The following COLEC10 variants were observed in gnomAD, a reference collection of about 807,000 sequenced individuals.
The protein encoded by COLEC10 is collectin subfamily member 10.
A neutral mutation model predicts 28.4 loss-of-function variants in COLEC10; 22 were observed. The observed-to-expected ratio is 0.78, with a 90% confidence interval of 0.55 to 1.11. The LOEUF (loss-of-function observed/expected upper bound fraction) is 1.11, where lower values mean the gene tolerates loss of function less well. Ranked by LOEUF, COLEC10 falls within the 50% of genes least tolerant of loss-of-function variation. The pLI, the probability that COLEC10 is intolerant of heterozygous loss-of-function variation, is 0.00. For synonymous variants in COLEC10, 125 were observed against 116.1 expected (o/e 1.08, Z -0.49); for missense variants, 361 against 344.1 (o/e 1.05, Z -0.39).
At chr8:118,962,717 T>C in the COLEC10 span, among the ~76,000 whole-genome samples, 3,501 of 152,340 alleles carry the variant, frequency 0.023, 125 homozygotes, top group African/African-American at 0.078. Flanking sequence ...TTCTAGAATT[T>C]ATTAATCTAG....
chr8:119,023,884 T>C (rs1359577050), intron 2 of COLEC10, among the ~76,000 whole-genome samples: 1 of 151,646 alleles, frequency 6.6e-6, no homozygotes, highest in Non-Finnish European at 1.5e-5. Flanking sequence ...GTTTTGGTTT[T>C]AGAAGGGTGC....
chr8:119,044,631 G>T (rs1814556285), intron 2 of COLEC10, among the ~76,000 whole-genome samples: 1 of 152,086 alleles, frequency 6.6e-6, no homozygotes, highest in African/African-American at 2.4e-5. Context: ...CGGGGGCATG[G>T]ATCGTTTCAG....
chr8:119,007,122 A>ATTTCC (rs1319205004), intron 1 of COLEC10, among the ~76,000 whole-genome samples: 1 of 152,080 alleles, frequency 6.6e-6, no homozygotes, highest in East Asian at 1.9e-4. Flanking sequence ...ATGACTTGGA[A>ATTTCC]AACAGTTCCC....
the COLEC10 span, among the ~76,000 whole-genome samples, chr8:118,970,404 A>C: frequency 6.6e-6 from 1 of 152,146 alleles, no homozygotes; most frequent in African/African-American, 2.4e-5. Context: ...TGACTTTGAC[A>C]GTCTCTGATA....
intron 2 of COLEC10, among the ~76,000 whole-genome samples, chr8:119,037,959 T>C (rs1814420297): frequency 6.6e-6 from 1 of 152,224 alleles, no homozygotes; most frequent in Non-Finnish European, 1.5e-5. Context: ...TCTTGCATCA[T>C]GCTATTCACA....
At chr8:119,094,965 A>G (rs1326693042) in intron 3 of COLEC10, among the ~76,000 whole-genome samples, 1 of 152,194 alleles carries the variant, frequency 6.6e-6, no homozygotes, top group Non-Finnish European at 1.5e-5. Context: ...CTCTATCAGC[A>G]ATTCTAATCA....
intron 3 of COLEC10, among the ~76,000 whole-genome samples, chr8:119,100,879 GA>G (rs1297995013): frequency 2.0e-5 from 3 of 152,134 alleles, no homozygotes; most frequent in Non-Finnish European, 2.9e-5. Context: ...GGGAGCACGT[GA>G]ATGACTGGCA....
At chr8:119,102,434 A>G (rs766628014) in intron 4 of COLEC10, 33 bp downstream of exon 4, 3 of 1,548,104 alleles carry the variant, frequency 1.9e-6, no homozygotes, top group Non-Finnish European at 2.6e-6. Flanking sequence ...TTTGATTTCT[A>G]GCATGATTCC....
chr8:118,955,549 A>G, the COLEC10 span, among the ~76,000 whole-genome samples: 1 of 152,200 alleles, frequency 6.6e-6, no homozygotes, highest in East Asian at 1.9e-4. Flanking sequence ...ATTGGCCTTA[A>G]TCACACAAAT....
chr8:118,973,711 A>G, the COLEC10 span, among the ~76,000 whole-genome samples: 1 of 152,012 alleles, frequency 6.6e-6, no homozygotes, highest in African/African-American at 2.4e-5. Context: ...CATGAGTAGC[A>G]AGAGACAGGA....
intron 3 of COLEC10, among the ~76,000 whole-genome samples, chr8:119,096,647 G>T (rs1815724575): frequency 6.6e-6 from 1 of 151,740 alleles, no homozygotes; most frequent in African/African-American, 2.4e-5. Context: ...ACTTCTCAGA[G>T]AACAAAAAAG....
chr8:118,960,773 G>A, the COLEC10 span, among the ~76,000 whole-genome samples: 1,802 of 124,396 alleles, frequency 0.014, 53 homozygotes, highest in African/African-American at 0.057. Context: ...GGGGAACAGA[G>A]TGAGACTCTG....
the COLEC10 span, among the ~76,000 whole-genome samples, chr8:118,989,507 C>G: frequency 2.4e-4 from 35 of 147,292 alleles, no homozygotes; most frequent in Non-Finnish European, 4.9e-4. Context: ...GAACACCAAG[C>G]AGGATTTAAA....
At chr8:118,973,833 C>T in the COLEC10 span, among the ~76,000 whole-genome samples, 2 of 151,926 alleles carry the variant, frequency 1.3e-5, no homozygotes, top group African/African-American at 4.8e-5. Flanking sequence ...CCAAACCTTC[C>T]AGCTATTACA....
chr8:119,016,732 G>C (rs1054464251), intron 2 of COLEC10, among the ~76,000 whole-genome samples: 1 of 151,946 alleles, frequency 6.6e-6, no homozygotes, highest in South Asian at 2.1e-4. Context: ...TTGTTTGTTT[G>C]TTTGAGACAG....
chr8:119,104,775 T>C (rs534120399), intron 5 of COLEC10, among the ~76,000 whole-genome samples: 1 of 152,334 alleles, frequency 6.6e-6, no homozygotes, highest in African/African-American at 2.4e-5. Context: ...GGTTGTAATC[T>C]GTACTGAAGA....
the COLEC10 span, among the ~76,000 whole-genome samples, chr8:118,977,748 A>ATAAT: frequency 7.0e-6 from 1 of 142,082 alleles, no homozygotes; most frequent in African/African-American, 2.8e-5. Context: ...AAGTATAATA[A>ATAAT]TAATAAATAA....
At chr8:119,058,330 C>T (rs1262090410) in intron 2 of COLEC10, among the ~76,000 whole-genome samples, 1 of 151,778 alleles carries the variant, frequency 6.6e-6, no homozygotes, top group Non-Finnish European at 1.5e-5. Flanking sequence ...TTTTAGTATG[C>T]TTATATAGTT....
chr8:118,989,264 A>G, the COLEC10 span, among the ~76,000 whole-genome samples: 2 of 152,212 alleles, frequency 1.3e-5, no homozygotes, highest in African/African-American at 4.8e-5. Context: ...GAACAGGATC[A>G]GTGAACTTGA....
Sources: allele counts gnomAD v4.1 joint callset (sites outside exome capture counted in the v4.1 genomes callset), GRCh38; gene constraint gnomAD v4.1.1; transcripts MANE v1.5; gene names NCBI Gene and HGNC (gene_info 2026-07-23, HGNC 2026-07-21).